TBL1Y: variants seen among roughly 807,000 people sequenced by gnomAD.
The protein encoded by TBL1Y is transducin beta like 1 Y-linked.
A neutral mutation model predicts 12.0 loss-of-function variants in TBL1Y; 15 were observed. The observed-to-expected ratio is 1.25, with a 90% CI of 0.83 to 1.92. The LOEUF (loss-of-function observed/expected upper bound fraction) is 1.92, where lower values mean the gene tolerates loss of function less well. Among genes scored for constraint, TBL1Y ranks in the 40% most tolerant of loss-of-function variants. The probability of loss-of-function intolerance (pLI) is 0.00; values close to 1 mark genes in which losing one functional copy is unlikely to be tolerated. For missense variants in TBL1Y, 148 were observed against 116.7 expected (o/e 1.27, Z -1.24); for synonymous variants, 53 against 42.6 (o/e 1.24, Z -0.95).
chrY:6,924,947 C>T, intron 2 of TBL1Y, among the ~76,000 whole-genome samples: 1 of 34,407 alleles, frequency 2.9e-5, no homozygotes, highest in African/African-American at 1.1e-4. Context: ...CAAGTTCTGT[C>T]AGTCACACAT....
chrY:6,983,128 C>T (rs547658257), intron 3 of TBL1Y, among the ~76,000 whole-genome samples: 2,786 of 31,715 alleles, frequency 0.088, no homozygotes, highest in East Asian at 0.058. Flanking sequence ...ACCTAGATGC[C>T]GGTGGCATTC....
chrY:7,087,652 G>A, intron 17 of TBL1Y, among the ~76,000 whole-genome samples: 5 of 33,390 alleles, frequency 1.5e-4, no homozygotes, highest in Non-Finnish European at 3.7e-4. Flanking sequence ...AGGGCATCGT[G>A]TCTGCTGTCC....
chrY:7,065,334 T>C, intron 8 of TBL1Y, among the ~76,000 whole-genome samples: 2 of 33,468 alleles, frequency 6.0e-5, no homozygotes, highest in Admixed American at 2.7e-4. Context: ...CCTGCCACCA[T>C]GTAAGGCATA....
At chrY:7,080,051 G>GT (rs1466829965) in intron 13 of TBL1Y, among the ~76,000 whole-genome samples, 73 of 3,845 alleles carry the variant, frequency 0.019, no homozygotes, top group African/African-American at 0.098. Context: ...GGGACTGTTT[G>GT]TTTTTTTTTT....
intron 2 of TBL1Y, among the ~76,000 whole-genome samples, chrY:6,974,522 A>C: frequency 2.9e-5 from 1 of 34,647 alleles, no homozygotes; most frequent in East Asian, 7.6e-4. Context: ...CAATTGTCTC[A>C]AGCATTTTGC....
Position 6,975,866 on chromosome Y carries a change from G to A in TBL1Y, c.-265-2347G>A. On this transcript the variant is annotated intron_variant, in intron 2 of 18. Coordinates refer to ENST00000383032, the MANE Select transcript of TBL1Y (RefSeq NM_033284.2). ...ATATCTCCGTTACTGCTGAGGAACAGTTTCCTCTAAACCCCTCATAGCCTT... is the reference window on the plus strand; with the variant it reads ...ATATCTCCGTTACTGCTGAGGAACAATTTCCTCTAAACCCCTCATAGCCTT... Among the ~76,000 whole-genome samples the A allele has an allele frequency of 9.2e-5, 3 of 32,611 alleles. No homozygotes were observed. In the South Asian group the frequency reaches 2.1e-3, roughly 23 times the overall value. The allele number at this position is 32,611 out of a possible 37,273, so 87.5% of individuals were successfully genotyped here.
intron 3 of TBL1Y, among the ~76,000 whole-genome samples, chrY:6,979,622 A>G (rs2124127356): frequency 3.0e-5 from 1 of 33,402 alleles, no homozygotes; most frequent in South Asian, 7.0e-4. Context: ...GCTGTATTCT[A>G]GATGGGGGTG....
At chrY:7,052,938 C>T (rs7893079) in intron 7 of TBL1Y, among the ~76,000 whole-genome samples, 1 of 33,967 alleles carries the variant, frequency 2.9e-5, no homozygotes, top group Non-Finnish European at 7.3e-5. Flanking sequence ...AGAGAAGTTA[C>T]TATTAATTCC....
At chrY:7,064,523 T>G (rs753830867) in intron 8 of TBL1Y, among the ~76,000 whole-genome samples, 4 of 33,678 alleles carry the variant, frequency 1.2e-4, no homozygotes, top group Admixed American at 5.4e-4. Context: ...AATCATTGAG[T>G]TCATGGTTCC....
intron 2 of TBL1Y, chrY:6,920,030 C>T (rs2011764914): frequency 3.0e-5 from 1 of 33,708 alleles, no homozygotes; most frequent in African/African-American, 1.2e-4. Flanking sequence ...TCCTTGACTC[C>T]TCTCTCTGAT....
chrY:7,047,371 GC>G (rs2012764145), intron 7 of TBL1Y, among the ~76,000 whole-genome samples: 1 of 33,561 alleles, frequency 3.0e-5, no homozygotes, highest in Non-Finnish European at 7.4e-5. Context: ...TTATAACATG[GC>G]CCACCAGCTG....
intron 2 of TBL1Y, among the ~76,000 whole-genome samples, chrY:6,932,645 G>C: frequency 3.1e-5 from 1 of 32,388 alleles, no homozygotes; most frequent in Non-Finnish European, 7.5e-5. Context: ...GCTAATTTTT[G>C]TATTTTTAGT....
chrY:7,035,776 C>T, intron 6 of TBL1Y, among the ~76,000 whole-genome samples: 1 of 32,743 alleles, frequency 3.1e-5, no homozygotes, highest in Non-Finnish European at 7.5e-5. Flanking sequence ...GGGAGGGGAA[C>T]ATCCCACACC....
intron 7 of TBL1Y, among the ~76,000 whole-genome samples, chrY:7,053,820 A>G: frequency 3.0e-5 from 1 of 33,592 alleles, no homozygotes; most frequent in African/African-American, 1.2e-4. Flanking sequence ...AGGAGCTACT[A>G]AAAAACAGCC....
intron 2 of TBL1Y, among the ~76,000 whole-genome samples, chrY:6,917,281 T>G: frequency 2.1e-4 from 7 of 34,035 alleles, no homozygotes; most frequent in African/African-American, 8.0e-4. Flanking sequence ...GTTTTGTGCT[T>G]CTTATGAGAG....
At chrY:7,063,553 C>T (rs764465775) in intron 7 of TBL1Y, among the ~76,000 whole-genome samples, 747 of 32,271 alleles carry the variant, frequency 0.023, no homozygotes, top group Non-Finnish European at 0.042. Context: ...AGTAGGTAAT[C>T]GGAATGAGTC....
chrY:7,005,763 A>G (rs2012482995), intron 4 of TBL1Y, among the ~76,000 whole-genome samples: 1 of 33,619 alleles, frequency 3.0e-5, no homozygotes, highest in Admixed American at 2.7e-4. Context: ...ACTGAGGAAA[A>G]TCATCAAAAT....
At chrY:7,062,940 C>G (rs2012893138) in intron 7 of TBL1Y, among the ~76,000 whole-genome samples, 4 of 34,111 alleles carry the variant, frequency 1.2e-4, no homozygotes, top group Non-Finnish European at 2.9e-4. Flanking sequence ...GCTCCCCTGG[C>G]TTTTCTTTCC....
intron 2 of TBL1Y, among the ~76,000 whole-genome samples, chrY:6,941,475 G>A (rs2011951631): frequency 1.8e-4 from 6 of 33,355 alleles, no homozygotes; most frequent in Admixed American, 1.6e-3. Flanking sequence ...GAGCGAGATT[G>A]CGCCACTGCA....
Sources: allele counts gnomAD v4.1 joint callset (sites outside exome capture counted in the v4.1 genomes callset), GRCh38; gene constraint gnomAD v4.1.1; transcripts MANE v1.5; gene names NCBI Gene and HGNC (gene_info 2026-07-23, HGNC 2026-07-21).